Variants in CADPS observed in about 807,000 individuals in gnomAD.
CADPS encodes the protein calcium dependent secretion activator.
CADPS carries 57 observed loss-of-function variants against 167.3 expected under a neutral mutation model. That is an observed-to-expected ratio of 0.34 (90% CI 0.28 to 0.42). The LOEUF (loss-of-function observed/expected upper bound fraction) is 0.42, where lower values mean the gene tolerates loss of function less well. CADPS is among the 20% of genes least tolerant of loss of function. The pLI, the probability that CADPS is intolerant of heterozygous loss-of-function variation, is 1.00. For missense variants in CADPS, 1,414 were observed against 1,738.1 expected, an observed-to-expected ratio of 0.81 and a Z score of 3.32; for synonymous variants, 676 against 635.3, an observed-to-expected ratio of 1.06 and a Z score of -0.96.
chr3:62,571,567 CTT>C (rs750711541), intron 8 of CADPS, among the ~76,000 whole-genome samples: 8 of 144,176 alleles, frequency 5.5e-5, no homozygotes, highest in Non-Finnish European at 3.1e-5. Flanking sequence ...ATAAATATTA[CTT>C]TTTTTTTTTT....
At chr3:62,450,834 T>C (rs931765795) in intron 26 of CADPS, among the ~76,000 whole-genome samples, 1 of 152,134 alleles carries the variant, frequency 6.6e-6, no homozygotes, top group Non-Finnish European at 1.5e-5. Flanking sequence ...CAACAACCTT[T>C]TGAGGGGGAT....
chr3:62,531,169 A>T (rs2073576727), intron 13 of CADPS, among the ~76,000 whole-genome samples: 1 of 152,124 alleles, frequency 6.6e-6, no homozygotes, highest in African/African-American at 2.4e-5. Context: ...ACACTTTCTT[A>T]TTCAGTAACA....
chr3:62,670,783 CTCT>C (rs1208765658), intron 3 of CADPS, among the ~76,000 whole-genome samples: 1 of 152,204 alleles, frequency 6.6e-6, no homozygotes, highest in Non-Finnish European at 1.5e-5. Context: ...ATGACCTCCC[CTCT>C]TCTTTTCCTT....
chr3:62,405,150 G>A (rs1339765716), intron 28 of CADPS, among the ~76,000 whole-genome samples: 2 of 129,788 alleles, frequency 1.5e-5, no homozygotes, highest in East Asian at 2.4e-4. Flanking sequence ...GGGGGGGGGG[G>A]CTCAACAGAT....
chr3:62,596,088 TACACAC>T (rs56780830), intron 6 of CADPS, among the ~76,000 whole-genome samples: 9,388 of 135,692 alleles, frequency 0.069, 408 homozygotes, highest in South Asian at 0.08. Flanking sequence ...TATATATGTA[TACACAC>T]ACACACACAC....
intron 6 of CADPS, among the ~76,000 whole-genome samples, chr3:62,600,897 T>C (rs1477575555): frequency 6.6e-6 from 1 of 152,132 alleles, no homozygotes; most frequent in Non-Finnish European, 1.5e-5. Flanking sequence ...GGTGGGTGGA[T>C]TGCTTGAGCT....
At chr3:62,832,599 T>G (rs1295666626) in intron 1 of CADPS, among the ~76,000 whole-genome samples, 9 of 152,210 alleles carry the variant, frequency 5.9e-5, no homozygotes, top group African/African-American at 2.2e-4. Flanking sequence ...TTCAGCTTGA[T>G]GCACACTTGT....
intron 24 of CADPS, among the ~76,000 whole-genome samples, chr3:62,469,163 T>G (rs1020260872): frequency 6.6e-6 from 1 of 152,204 alleles, no homozygotes; most frequent in African/African-American, 2.4e-5. Context: ...CTGTTTATCA[T>G]GTAGCAAAGA....
In CADPS at chr3:62,687,127, A is replaced by G. The variant is rs542320142; in HGVS notation, c.889-24733T>C. ...ACCGAAAGGAGATTTGTTATGGAAG[A>G]CAAGAGGGATCAACAGTCTTGTTTG... On this transcript the variant is annotated intron_variant, in intron 3 of 29. Coordinates refer to ENST00000383710, the MANE Select transcript of CADPS (RefSeq NM_003716.4). 4.5e-4 allele frequency among the ~76,000 whole-genome samples: 69 copies of G among 152,262 alleles called. 1 individual carries two copies. Among genetic ancestry groups the G allele is most frequent in the African/African-American group, 1.6e-3 (65 of 41,552 alleles).
At chr3:62,563,039 G>A (rs1471419088) in intron 9 of CADPS, among the ~76,000 whole-genome samples, 1 of 152,178 alleles carries the variant, frequency 6.6e-6, no homozygotes, top group African/African-American at 2.4e-5. Context: ...GAGAGACAGA[G>A]GCTTGATAAT....
At chr3:62,799,682 G>A (rs2093650677) in intron 1 of CADPS, among the ~76,000 whole-genome samples, 3 of 152,208 alleles carry the variant, frequency 2.0e-5, no homozygotes, top group African/African-American at 7.2e-5. Context: ...TAATGTATAA[G>A]TGTAGACAAA....
At chr3:62,817,347 G>A (rs973732931) in intron 1 of CADPS, among the ~76,000 whole-genome samples, 1 of 152,148 alleles carries the variant, frequency 6.6e-6, no homozygotes, top group African/African-American at 2.4e-5. Context: ...TCCTGAGGAA[G>A]AGGGAAGGGT....
At chr3:62,552,052 A>G (rs1367560850) in intron 10 of CADPS, among the ~76,000 whole-genome samples, 1 of 152,002 alleles carries the variant, frequency 6.6e-6, no homozygotes, top group African/African-American at 2.4e-5. Context: ...CATGGCACAT[A>G]GTGGGTGCAC....
chr3:62,417,137 G>A (rs1358995974), intron 28 of CADPS, among the ~76,000 whole-genome samples: 2 of 152,272 alleles, frequency 1.3e-5, no homozygotes, highest in African/African-American at 4.8e-5. Context: ...GCTGTACTCT[G>A]TCTGAACACT....
chr3:62,872,519 G>C (rs1190439178), intron 1 of CADPS, among the ~76,000 whole-genome samples: 1 of 152,170 alleles, frequency 6.6e-6, no homozygotes, highest in Admixed American at 6.5e-5. Flanking sequence ...ACTAAGAATA[G>C]TTTGACCAAA....
intron 24 of CADPS, among the ~76,000 whole-genome samples, chr3:62,472,021 A>T (rs1000849762): frequency 6.6e-6 from 1 of 152,230 alleles, no homozygotes; most frequent in South Asian, 2.1e-4. Context: ...GTCAATAAAT[A>T]CATAAAAAGG....
At chr3:62,488,269 G>T (rs1355375982) in intron 21 of CADPS, among the ~76,000 whole-genome samples, 1 of 152,136 alleles carries the variant, frequency 6.6e-6, no homozygotes, top group East Asian at 1.9e-4. Context: ...TAGTCAGATG[G>T]AAGTTCACAC....
At chr3:62,533,997 T>C (rs902673776) in intron 12 of CADPS, among the ~76,000 whole-genome samples, 1 of 152,126 alleles carries the variant, frequency 6.6e-6, no homozygotes, top group Admixed American at 6.5e-5. Flanking sequence ...GCAGGTTTGG[T>C]GGCATGATGG....
At chr3:62,837,250 A>C (rs972979759) in intron 1 of CADPS, among the ~76,000 whole-genome samples, 2 of 152,184 alleles carry the variant, frequency 1.3e-5, no homozygotes, top group Non-Finnish European at 2.9e-5. Context: ...TAACTTCCCC[A>C]AAATCGCACA....
Sources: gnomAD v4.1 joint callset for allele counts (sites outside exome capture counted in the v4.1 genomes callset) on GRCh38, gnomAD v4.1.1 for gene constraint, MANE v1.5 for transcripts, NCBI Gene and HGNC (gene_info 2026-07-23, HGNC 2026-07-21) for gene names.